SRGAP3: variants seen among roughly 807,000 people sequenced by gnomAD.
SRGAP3 encodes SLIT-ROBO Rho GTPase activating protein 3.
SRGAP3 carries 39 observed loss-of-function variants against 121.1 expected under a neutral mutation model. That is an observed-to-expected ratio of 0.32 (90% CI 0.25 to 0.42). SRGAP3 has a LOEUF of 0.42. SRGAP3 is among the 10% of genes least tolerant of loss of function. The pLI is 1.00. For synonymous variants in SRGAP3, 601 were observed against 570.0 expected (o/e 1.05, Z -0.77); for missense variants, 1,213 against 1,470.6 (o/e 0.82, Z 2.86).
intron 4 of SRGAP3, among the ~76,000 whole-genome samples, chr3:9,070,618 G>C (rs1261097594): frequency 6.6e-6 from 1 of 152,156 alleles, no homozygotes; most frequent in African/African-American, 2.4e-5. Context: ...CAGATGGGTG[G>C]GTGGGTGGAT....
intron 4 of SRGAP3, among the ~76,000 whole-genome samples, chr3:9,068,607 C>T (rs1946538338): frequency 6.6e-6 from 1 of 152,190 alleles, no homozygotes; most frequent in African/African-American, 2.4e-5. Context: ...CTGGAAGTTT[C>T]TCCAAAATGA....
intron 3 of SRGAP3, among the ~76,000 whole-genome samples, chr3:9,089,124 CACGGTCCCTGCTCTCA>C (rs1190027074): frequency 1.3e-5 from 2 of 152,072 alleles, no homozygotes; most frequent in Admixed American, 6.6e-5. Flanking sequence ...CTGAATGAGA[CACGGTCCCTGCTCTCA>C]AGCCTCCCAA....
intron 1 of SRGAP3, among the ~76,000 whole-genome samples, chr3:9,223,353 A>C (rs1406645461): frequency 1.3e-5 from 2 of 152,246 alleles, no homozygotes; most frequent in African/African-American, 4.8e-5. Flanking sequence ...GTAAAGAAAA[A>C]GAGTACCTAG....
At chr3:9,076,490 G>A (rs539142366) in intron 4 of SRGAP3, among the ~76,000 whole-genome samples, 14 of 152,248 alleles carry the variant, frequency 9.2e-5, no homozygotes, top group African/African-American at 1.7e-4. Context: ...GGCCAAGCTC[G>A]TAAGTGGTGC....
intron 1 of SRGAP3, among the ~76,000 whole-genome samples, chr3:9,333,782 T>C (rs1171615578): frequency 1.3e-5 from 2 of 152,156 alleles, no homozygotes; most frequent in Admixed American, 1.3e-4. Context: ...TTTAAACATT[T>C]CCCTAGAGTG....
chr3:9,327,900 A>G (rs1955545962), intron 2 of SRGAP3, among the ~76,000 whole-genome samples: 1 of 152,234 alleles, frequency 6.6e-6, no homozygotes, highest in East Asian at 1.9e-4. Context: ...TTTACCATAC[A>G]ACATCCTTTT....
chr3:9,203,149 A>G (rs1952126575), intron 1 of SRGAP3, among the ~76,000 whole-genome samples: 1 of 152,202 alleles, frequency 6.6e-6, no homozygotes, highest in Non-Finnish European at 1.5e-5. Flanking sequence ...GGTCTCATAA[A>G]GACATTTTTG....
intron 18 of SRGAP3, among the ~76,000 whole-genome samples, chr3:9,005,459 T>C (rs1255656908): frequency 6.6e-6 from 1 of 151,442 alleles, no homozygotes; most frequent in Non-Finnish European, 1.5e-5. Flanking sequence ...ATTCTGTCTA[T>C]ACAAAAACTT....
chr3:9,061,989 T>C (rs1181907804), intron 5 of SRGAP3, among the ~76,000 whole-genome samples: 1 of 152,212 alleles, frequency 6.6e-6, no homozygotes, highest in Non-Finnish European at 1.5e-5. Context: ...ACCTTCCTAT[T>C]CCACAGTGAG....
chr3:9,183,767 AACACACAC>A (rs62971361), intron 1 of SRGAP3, among the ~76,000 whole-genome samples: 4,485 of 148,230 alleles, frequency 0.03, 226 homozygotes, highest in African/African-American at 0.1. Context: ...CAAATTTGCT[AACACACAC>A]ACACACACAC....
intron 3 of SRGAP3, 57 bp downstream of exon 3, chr3:9,104,623 A>G: frequency 6.2e-7 from 1 of 1,607,516 alleles, no homozygotes; most frequent in Non-Finnish European, 8.5e-7. Context: ...GTATACTGTT[A>G]CCATGGGCCA....
At chr3:9,315,912 T>C (rs1232199053) in intron 3 of SRGAP3, among the ~76,000 whole-genome samples, 2 of 152,232 alleles carry the variant, frequency 1.3e-5, no homozygotes, top group Non-Finnish European at 2.9e-5. Flanking sequence ...ATATTTATTA[T>C]AAAAACCCAT....
intron 3 of SRGAP3, among the ~76,000 whole-genome samples, chr3:9,288,225 C>T (rs1005543194): frequency 2.7e-5 from 4 of 150,532 alleles, no homozygotes; most frequent in African/African-American, 9.8e-5. Flanking sequence ...GCAACCTCTG[C>T]CTCCCAGGTT....
chr3:9,079,420 T>C (rs1399290583), intron 4 of SRGAP3, among the ~76,000 whole-genome samples: 1 of 152,170 alleles, frequency 6.6e-6, no homozygotes, highest in Non-Finnish European at 1.5e-5. Context: ...GCTCACCTTC[T>C]TGGATTCTAA....
intron 3 of SRGAP3, among the ~76,000 whole-genome samples, chr3:9,258,025 C>T (rs1187667511): frequency 6.6e-6 from 1 of 152,046 alleles, no homozygotes; most frequent in East Asian, 1.9e-4. Flanking sequence ...ATCTTAAGCA[C>T]TCGATATAGT....
At chr3:9,360,185 T>C (rs2030718702) in intron 1 of SRGAP3, among the ~76,000 whole-genome samples, 1 of 152,190 alleles carries the variant, frequency 6.6e-6, no homozygotes, top group Non-Finnish European at 1.5e-5. Flanking sequence ...CGCCTCTGCC[T>C]CCCAAATTGC....
chr3:9,002,595 C>T (rs1942833650), intron 18 of SRGAP3, among the ~76,000 whole-genome samples: 1 of 151,950 alleles, frequency 6.6e-6, no homozygotes, highest in Non-Finnish European at 1.5e-5. Context: ...AAGATTAGAG[C>T]AGAAATTAAT....
chr3:9,049,514 G>A, intron 9 of SRGAP3: 1 of 455,996 alleles, frequency 2.2e-6, no homozygotes, highest in Non-Finnish European at 4.4e-6. Context: ...TCACTCACTG[G>A]GTACCTCGGG....
chr3:9,282,249 T>C (rs1212944822), intron 3 of SRGAP3, among the ~76,000 whole-genome samples: 1 of 152,216 alleles, frequency 6.6e-6, no homozygotes, highest in Non-Finnish European at 1.5e-5. Context: ...AAATTAAAAC[T>C]AAGACTTTTA....
Sources: gnomAD v4.1 joint callset for allele counts (sites outside exome capture counted in the v4.1 genomes callset) on GRCh38, gnomAD v4.1.1 for gene constraint, MANE v1.5 for transcripts, NCBI Gene and HGNC (gene_info 2026-07-23, HGNC 2026-07-21) for gene names.